Variants in RAB3GAP1 observed in about 807,000 individuals in gnomAD.
RAB3GAP1 encodes RAB3 GTPase activating protein catalytic subunit 1, also known as rab3 GTPase-activating protein catalytic subunit.
In RAB3GAP1, 86 loss-of-function variants were observed where a neutral mutation model predicts 130.7. That is an observed-to-expected ratio of 0.66 (90% confidence interval 0.55 to 0.79). The LOEUF is 0.79. RAB3GAP1 is among the 30% of genes least tolerant of loss of function. The pLI, the probability that RAB3GAP1 is intolerant of heterozygous loss-of-function variation, is 0.00. For missense variants in RAB3GAP1, 1,029 were observed against 1,169.4 expected (o/e 0.88, Z 1.75); for synonymous variants, 367 against 401.7 (o/e 0.91, Z 1.03).
chr2:135,126,377 T>G lies in RAB3GAP1; in HGVS notation c.899+128T>G. On this transcript the variant is annotated intron_variant, in intron 10 of 23. Transcript: ENST00000264158. ...TGATTTTAGTGTTCCCTTTTGTGTT[T>G]TATTGTCTAAGGACTTTGATTTCTT... 9.8e-6 allele frequency: 9 copies of G among 919,814 alleles called. No homozygotes were observed. In the South Asian group the frequency reaches 1.4e-4, roughly 15 times the overall value. The allele number at this position is 919,814 out of a possible 1,614,324, so 57.0% of individuals were successfully genotyped here.
At chr2:135,059,227 A>G (rs781470830) in intron 3 of RAB3GAP1, among the ~76,000 whole-genome samples, 9 of 152,210 alleles carry the variant, frequency 5.9e-5, no homozygotes, top group African/African-American at 1.2e-4. Context: ...TCCACTTGAA[A>G]CAAATACATA....
chr2:135,106,540 G>A (rs1272977823), intron 5 of RAB3GAP1, among the ~76,000 whole-genome samples: 1 of 152,098 alleles, frequency 6.6e-6, no homozygotes, highest in Non-Finnish European at 1.5e-5. Flanking sequence ...TTGTTTAACA[G>A]ATGCTTGAAG....
chr2:135,118,252 C>T (rs549415407), intron 7 of RAB3GAP1, among the ~76,000 whole-genome samples: 77 of 152,214 alleles, frequency 5.1e-4, no homozygotes, highest in African/African-American at 1.8e-3. Flanking sequence ...ACCCAACTTA[C>T]ATCTTGGCTA....
At chr2:135,054,140 G>A (rs1349748365) in intron 2 of RAB3GAP1, among the ~76,000 whole-genome samples, 2 of 152,188 alleles carry the variant, frequency 1.3e-5, no homozygotes, top group African/African-American at 4.8e-5. Flanking sequence ...TATGACCAGT[G>A]ATTCTCATAC....
At chr2:135,166,498 A>G (rs1297804612) in intron 23 of RAB3GAP1, among the ~76,000 whole-genome samples, 1 of 152,050 alleles carries the variant, frequency 6.6e-6, no homozygotes, top group Non-Finnish European at 1.5e-5. Flanking sequence ...ACAGGCATGC[A>G]CCACCACGCC....
At chr2:135,097,216 C>CTTT (rs11396739) in intron 5 of RAB3GAP1, among the ~76,000 whole-genome samples, 36 of 139,920 alleles carry the variant, frequency 2.6e-4, no homozygotes, top group African/African-American at 7.1e-4. Flanking sequence ...GTCCTTCCCA[C>CTTT]TTTTTTTTTT....
At chr2:135,161,601 G>C (rs1558805080) in intron 19 of RAB3GAP1, among the ~76,000 whole-genome samples, 2 of 151,952 alleles carry the variant, frequency 1.3e-5, no homozygotes, top group Non-Finnish European at 2.9e-5. Flanking sequence ...TTCCTAAGCT[G>C]GTGTTTTCTT....
chr2:135,100,162 T>A (rs1033191138), intron 5 of RAB3GAP1, among the ~76,000 whole-genome samples: 5 of 152,164 alleles, frequency 3.3e-5, no homozygotes, highest in Non-Finnish European at 7.4e-5. Flanking sequence ...GTTATATAAT[T>A]CACATTATGA....
At position 135,123,907 on chromosome 2, in the gene RAB3GAP1, A is replaced by G. The variant is rs115289700; in HGVS notation, c.749-258A>G. ...TTGAGTAATATTTAAGGAATATTTC[A>G]GAAGGGCAAAATTTAGAATACCTGG... On this transcript the variant is annotated intron_variant, in intron 8 of 23. Coordinates refer to ENST00000264158, the MANE Select transcript of RAB3GAP1 (RefSeq NM_012233.3). 1.0e-2 allele frequency among the ~76,000 whole-genome samples: 1,518 copies of G among 152,320 alleles called. 23 individuals are homozygous for G. The highest frequency in any genetic ancestry group is 0.035 in the African/African-American group (1,446 of 41,568).
chr2:135,168,843 AG>A lies in RAB3GAP1; in HGVS notation c.*64del. On this transcript the variant is annotated 3_prime_UTR_variant, in exon 24 of 24. Coordinates refer to ENST00000264158, the MANE Select transcript of RAB3GAP1 (RefSeq NM_012233.3). ...GTGCTGCCTCCTCCTGAGGGAGGGA[AG>A]GTACCAGGGAGAACCTGGGAGGTCC... 6.8e-7 allele frequency: 1 copy of A among 1,465,258 alleles called. No homozygotes were observed. Among genetic ancestry groups the A allele is most frequent in the Non-Finnish European group, 9.6e-7 (1 of 1,046,134 alleles). 90.8% of individuals were successfully genotyped at this position (1,465,258 alleles called of 1,614,324 possible). A position where few individuals can be genotyped will look rare whatever the true frequency, so the allele number is the denominator to read the frequency against.
intron 5 of RAB3GAP1, among the ~76,000 whole-genome samples, chr2:135,108,222 T>G (rs1690689627): frequency 6.6e-6 from 1 of 152,144 alleles, no homozygotes; most frequent in Non-Finnish European, 1.5e-5. Flanking sequence ...TAGTATTTAG[T>G]ATACATATGC....
At chr2:135,124,825 T>C (rs891742926) in intron 9 of RAB3GAP1, among the ~76,000 whole-genome samples, 1 of 152,224 alleles carries the variant, frequency 6.6e-6, no homozygotes, top group African/African-American at 2.4e-5. Flanking sequence ...GGATGGTGTT[T>C]ACATTTTTAA....
intron 3 of RAB3GAP1, among the ~76,000 whole-genome samples, chr2:135,064,181 T>C (rs559798218): frequency 3.1e-4 from 47 of 152,310 alleles, no homozygotes; most frequent in Middle Eastern, 3.4e-3. Flanking sequence ...TACGTTTTCT[T>C]TGTATTTTTG....
At chr2:135,136,013 T>G in intron 17 of RAB3GAP1, 81 bp downstream of exon 17, 1 of 1,551,876 alleles carries the variant, frequency 6.4e-7, no homozygotes, top group South Asian at 1.1e-5. Context: ...GTGCTTTGAG[T>G]AAGGAAAATT....
At chr2:135,083,600 T>G (rs1428656539) in intron 3 of RAB3GAP1, among the ~76,000 whole-genome samples, 1 of 151,948 alleles carries the variant, frequency 6.6e-6, no homozygotes, top group Non-Finnish European at 1.5e-5. Flanking sequence ...TAGGTAGAAC[T>G]ATAGGCATGT....
chr2:135,057,208 AT>A (rs1689038642), intron 2 of RAB3GAP1, among the ~76,000 whole-genome samples: 1 of 152,158 alleles, frequency 6.6e-6, no homozygotes, highest in African/African-American at 2.4e-5. Context: ...AAGTTGACAT[AT>A]TTACTTGCAA....
chr2:135,124,388 C>T, intron 9 of RAB3GAP1, 142 bp downstream of exon 9: 1 of 937,924 alleles, frequency 1.1e-6, no homozygotes, highest in East Asian at 2.6e-5. Context: ...TACACCTGGG[C>T]TGGGCACAGG....
intron 9 of RAB3GAP1, among the ~76,000 whole-genome samples, chr2:135,124,855 A>G (rs1026585229): frequency 1.3e-5 from 2 of 152,220 alleles, no homozygotes; most frequent in African/African-American, 4.8e-5. Flanking sequence ...AAGAAAAAAA[A>G]TAAAATAGAG....
At chr2:135,152,839 T>C (rs1454152846) in intron 18 of RAB3GAP1, 1 of 152,292 alleles carries the variant, frequency 6.6e-6, no homozygotes. Flanking sequence ...GGAACACTTG[T>C]AGAAAGACCT....
Sources: allele counts gnomAD v4.1 joint callset (sites outside exome capture counted in the v4.1 genomes callset), GRCh38; gene constraint gnomAD v4.1.1; transcripts MANE v1.5; gene names NCBI Gene and HGNC (gene_info 2026-07-23, HGNC 2026-07-21).